Variants in NFIB observed in about 807,000 individuals in gnomAD.
The protein encoded by NFIB is nuclear factor 1 B-type.
NFIB carries 11 observed loss-of-function variants against 61.5 expected under a neutral mutation model. The ratio of observed to expected loss-of-function variants is 0.18; its 90% CI spans 0.11 to 0.30. NFIB has a LOEUF of 0.30. Among genes scored for constraint, NFIB ranks in the 10% least tolerant of loss-of-function variants. NFIB has a pLI of 1.00. For synonymous variants in NFIB, 260 were observed against 216.5 expected, an observed-to-expected ratio of 1.20 and a Z score of -1.76; for missense variants, 471 against 608.9, an observed-to-expected ratio of 0.77 and a Z score of 2.38.
intron 2 of NFIB, among the ~76,000 whole-genome samples, chr9:14,254,125 A>C (rs778016296): frequency 6.6e-6 from 1 of 152,144 alleles, no homozygotes; most frequent in African/African-American, 2.4e-5. Flanking sequence ...AACATAGCAA[A>C]ACCCCATTCT....
chr9:14,159,733 C>T (rs776846450), intron 3 of NFIB, among the ~76,000 whole-genome samples: 3 of 152,206 alleles, frequency 2.0e-5, no homozygotes, highest in Non-Finnish European at 4.4e-5. Flanking sequence ...TACTTGAGGG[C>T]TGTAGCAAAA....
chr9:14,469,440 T>C, the NFIB span, among the ~76,000 whole-genome samples: 1 of 152,224 alleles, frequency 6.6e-6, no homozygotes, highest in Non-Finnish European at 1.5e-5. Context: ...CTCACTGGTA[T>C]GACTTAGGTA....
intron 2 of NFIB, among the ~76,000 whole-genome samples, chr9:14,199,853 T>C (rs1391382778): frequency 6.6e-6 from 1 of 152,216 alleles, no homozygotes. Context: ...CACTCAGCTA[T>C]TGTTTTTACT....
At chr9:14,472,668 C>T in the NFIB span, among the ~76,000 whole-genome samples, 11 of 151,978 alleles carry the variant, frequency 7.2e-5, no homozygotes, top group Non-Finnish European at 1.3e-4. Context: ...GGTGAAACCC[C>T]ATCTCTACTA....
chr9:14,457,408 C>A, the NFIB span, among the ~76,000 whole-genome samples: 9 of 152,036 alleles, frequency 5.9e-5, no homozygotes, highest in Non-Finnish European at 1.2e-4. Context: ...TAAGAGAAAG[C>A]AGGAAAGATC....
chr9:14,363,542 T>C (rs1436209270), intron 1 of NFIB, among the ~76,000 whole-genome samples: 1 of 151,408 alleles, frequency 6.6e-6, no homozygotes, highest in African/African-American at 2.4e-5. Flanking sequence ...GACCCAGCCA[T>C]AGAAACATTT....
At chr9:14,149,680 G>T (rs947738490) in intron 5 of NFIB, among the ~76,000 whole-genome samples, 2 of 152,146 alleles carry the variant, frequency 1.3e-5, no homozygotes, top group African/African-American at 2.4e-5. Context: ...ACTAATTGAA[G>T]AACTTGGCAA....
intron 1 of NFIB, among the ~76,000 whole-genome samples, chr9:14,395,767 G>T (rs1173626578): frequency 1.0e-5 from 1 of 100,382 alleles, no homozygotes; most frequent in Non-Finnish European, 1.8e-5. Context: ...CACCCAAACA[G>T]CATCCCAGAA....
chr9:14,311,914 A>C (rs2060297689), intron 1 of NFIB, among the ~76,000 whole-genome samples: 1 of 152,226 alleles, frequency 6.6e-6, no homozygotes, highest in Admixed American at 6.5e-5. Flanking sequence ...AAATATATCC[A>C]GCCGATGGGT....
chr9:14,132,480 T>C (rs1486106521), intron 6 of NFIB, among the ~76,000 whole-genome samples: 2 of 152,180 alleles, frequency 1.3e-5, no homozygotes, highest in African/African-American at 2.4e-5. Context: ...ATTTTCTTTA[T>C]TTTTCACATT....
intron 1 of NFIB, among the ~76,000 whole-genome samples, chr9:14,340,147 T>C (rs2132871769): frequency 6.6e-6 from 1 of 152,304 alleles, no homozygotes; most frequent in South Asian, 2.1e-4. Flanking sequence ...TGTAAGAACT[T>C]AGAAGCACTC....
chr9:14,417,127 G>A, the NFIB span, among the ~76,000 whole-genome samples: 3 of 151,452 alleles, frequency 2.0e-5, no homozygotes, highest in African/African-American at 4.9e-5. Flanking sequence ...TCCTGACCTC[G>A]TGATCTGCCT....
rs553144078 is a variant in NFIB at position 14,299,649 on chromosome 9, T to G, written c.562+7340A>C. Among the ~76,000 whole-genome samples the G allele has an allele frequency of 6.2e-4, 94 of 152,320 alleles. 1 individual carries two copies. In the South Asian group the frequency reaches 0.018, roughly 29 times the overall value. On this transcript the variant is annotated intron_variant, in intron 2 of 10. Coordinates refer to ENST00000380953, the MANE Select transcript of NFIB (RefSeq NM_001190737.2). ...GAAAATACACAACCTCCAGGCAACT[T>G]TTGATAGTAAAATTACTTCATCCAT...
the NFIB span, among the ~76,000 whole-genome samples, chr9:14,443,781 G>T: frequency 2.8e-3 from 428 of 152,230 alleles, 4 homozygotes; most frequent in African/African-American, 9.6e-3. Context: ...ACAATAGACT[G>T]TAATATCCGT....
chr9:14,282,433 C>G (rs2058433059), intron 2 of NFIB, among the ~76,000 whole-genome samples: 1 of 152,094 alleles, frequency 6.6e-6, no homozygotes, highest in African/African-American at 2.4e-5. Context: ...CAATCAGTAA[C>G]AGTAGAGATG....
At chr9:14,266,623 C>T (rs1436528686) in intron 2 of NFIB, among the ~76,000 whole-genome samples, 2 of 151,702 alleles carry the variant, frequency 1.3e-5, no homozygotes, top group African/African-American at 4.8e-5. Flanking sequence ...TAAAGTAAAA[C>T]CCAAGTCTTC....
chr9:14,516,189 A>G, the NFIB span, among the ~76,000 whole-genome samples: 1 of 152,232 alleles, frequency 6.6e-6, no homozygotes, highest in African/African-American at 2.4e-5. Context: ...ACAAATGCCA[A>G]ATGACTGGCC....
intron 5 of NFIB, 51 bp from the exon 6 acceptor site, chr9:14,146,858 T>C: frequency 6.3e-7 from 1 of 1,585,414 alleles, no homozygotes; most frequent in Non-Finnish European, 8.5e-7. Flanking sequence ...GGAAGATGTG[T>C]ACATTTTAAA....
At chr9:14,299,631 C>A (rs560672699) in intron 2 of NFIB, among the ~76,000 whole-genome samples, 2 of 152,130 alleles carry the variant, frequency 1.3e-5, no homozygotes, top group Admixed American at 1.3e-4. Context: ...TCTGAAAATA[C>A]ACAACCTCCA....
Sources: allele counts gnomAD v4.1 joint callset (sites outside exome capture counted in the v4.1 genomes callset), GRCh38; gene constraint gnomAD v4.1.1; transcripts MANE v1.5; gene names NCBI Gene and HGNC (gene_info 2026-07-23, HGNC 2026-07-21).